HOOK1: variants seen among roughly 807,000 people sequenced by gnomAD.
HOOK1 encodes hook microtubule tethering protein 1.
In HOOK1, 60 loss-of-function variants were observed where a neutral mutation model predicts 112.8. That is an observed-to-expected ratio of 0.53 (90% CI 0.43 to 0.66). HOOK1 has a LOEUF of 0.66. HOOK1 is among the 30% of genes least tolerant of loss of function. The pLI is 0.00. For missense variants in HOOK1, 770 were observed against 856.0 expected (o/e 0.90, Z 1.25); for synonymous variants, 294 against 283.8 (o/e 1.04, Z -0.36).
At chr1:59,856,639 G>T in intron 12 of HOOK1, among the ~76,000 whole-genome samples, 1 of 151,938 alleles carries the variant, frequency 6.6e-6, no homozygotes, top group East Asian at 1.9e-4. Flanking sequence ...GTGACTTTTT[G>T]GGACTAATTC....
At chr1:59,859,903 T>G (rs1241978982) in intron 14 of HOOK1, among the ~76,000 whole-genome samples, 2 of 152,246 alleles carry the variant, frequency 1.3e-5, no homozygotes, top group East Asian at 3.9e-4. Flanking sequence ...AGGAATGGCA[T>G]AATAACAATT....
chr1:59,828,380 C>T (rs2098391442), intron 2 of HOOK1, among the ~76,000 whole-genome samples: 1 of 152,140 alleles, frequency 6.6e-6, no homozygotes, highest in South Asian at 2.1e-4. Flanking sequence ...CTTAGACTCT[C>T]TCATCCTCAA....
chr1:59,837,141 T>C (rs1168413170), intron 7 of HOOK1, among the ~76,000 whole-genome samples: 4 of 152,238 alleles, frequency 2.6e-5, no homozygotes, highest in Non-Finnish European at 5.9e-5. Context: ...TTGAGTGGCA[T>C]TGAACATTCC....
chr1:59,846,660 AGAGGCACTGG>A (rs2098404228), intron 9 of HOOK1, among the ~76,000 whole-genome samples: 1 of 145,482 alleles, frequency 6.9e-6, no homozygotes, highest in African/African-American at 2.5e-5. Flanking sequence ...TTTAAAACTG[AGAGGCACTGG>A]TTTACTGTTG....
At chr1:59,824,169 A>G (rs142218943) in intron 2 of HOOK1, among the ~76,000 whole-genome samples, 185 of 152,110 alleles carry the variant, frequency 1.2e-3, no homozygotes, top group African/African-American at 4.1e-3. Flanking sequence ...TAATTTTACC[A>G]TATGTCTTTG....
chr1:59,847,111 C>T lies in HOOK1; in HGVS notation c.855C>T (p.Phe285=). 6.2e-7 allele frequency: 1 copy of T among 1,608,274 alleles called. No homozygotes were observed. The highest frequency in any genetic ancestry group is 8.5e-7 in the Non-Finnish European group (1 of 1,176,808). Residue 285 remains phenylalanine, a synonymous_variant, in exon 10 of 22, where the codon TTC becomes TTT. Coordinates refer to ENST00000371208, the MANE Select transcript of HOOK1 (RefSeq NM_015888.6). ...CEELEKQLIE[F]QHRNDELTSL... ...AACTTGAAAAGCAGCTAATCGAATTCCAGCATAGGAATGATGAATTGACTA... is the reference window on the plus strand; with the variant it reads ...AACTTGAAAAGCAGCTAATCGAATTTCAGCATAGGAATGATGAATTGACTA...
At position 59,832,155 on chromosome 1, in the gene HOOK1, C is replaced by T; in HGVS notation, c.223-8C>T. ...TGAAATAAGAATCTCTTATTTTTTT[C>T]ACATTAGGCCAGTAATGTAAAGAAG... On this transcript the variant is annotated splice_region_variant and splice_polypyrimidine_tract_variant and intron_variant, in intron 3 of 21. Coordinates refer to ENST00000371208, the MANE Select transcript of HOOK1 (RefSeq NM_015888.6). The T allele has an allele frequency of 2.8e-6, 4 of 1,435,758 alleles. No individual in the cohort carries two copies. The highest frequency in any genetic ancestry group is 1.5e-5 in the African/African-American group (1 of 68,690). 88.9% of individuals were successfully genotyped at this position (1,435,758 alleles called of 1,614,324 possible). A position where few individuals can be genotyped will look rare whatever the true frequency, so the allele number is the denominator to read the frequency against.
In HOOK1 at chr1:59,858,982, T is replaced by C. The variant is rs1434094950; in HGVS notation, c.1331-3T>C. 7 of 1,540,112 alleles carry C rather than the reference T, an allele frequency of 4.5e-6. No individual in the cohort carries two copies. In the East Asian group the frequency reaches 1.1e-4, roughly 25 times the overall value. ...TGCTAATTTATTTTTTGTTATTTTT[T>C]AGATGCATCTGCTACAAAAAGTTAT... On this transcript the variant is annotated splice_polypyrimidine_tract_variant and splice_region_variant and intron_variant, in intron 13 of 21. Transcript: ENST00000371208.
intron 15 of HOOK1, 32 bp downstream of exon 15, chr1:59,860,360 G>A (rs781777636): frequency 6.6e-7 from 1 of 1,507,566 alleles, no homozygotes; most frequent in Non-Finnish European, 8.9e-7. Flanking sequence ...GAAAATCTTG[G>A]TGATTTTATT....
intron 3 of HOOK1, among the ~76,000 whole-genome samples, chr1:59,830,987 G>A (rs971964935): frequency 2.7e-5 from 4 of 149,182 alleles, no homozygotes; most frequent in African/African-American, 9.9e-5. Flanking sequence ...TGCAACCTCT[G>A]CCCCCGAGGT....
intron 1 of HOOK1, among the ~76,000 whole-genome samples, chr1:59,821,334 G>A (rs552701339): frequency 6.6e-6 from 1 of 152,324 alleles, no homozygotes; most frequent in South Asian, 2.1e-4. Context: ...TGACGTGATA[G>A]ATAGGGCTTG....
chr1:59,859,179 T>C (rs2098412268), intron 14 of HOOK1, 134 bp downstream of exon 14: 1 of 335,898 alleles, frequency 3.0e-6, no homozygotes, highest in Non-Finnish European at 5.5e-6. Flanking sequence ...TACTTAAACT[T>C]TCTAAATCAT....
chr1:59,820,733 A>G (rs1559041660), intron 1 of HOOK1, among the ~76,000 whole-genome samples: 1 of 152,194 alleles, frequency 6.6e-6, no homozygotes, highest in Non-Finnish European at 1.5e-5. Context: ...CATATTGTCT[A>G]GAAATGATTT....
At chr1:59,872,398 A>G (rs1370473774) in intron 21 of HOOK1, among the ~76,000 whole-genome samples, 1 of 152,220 alleles carries the variant, frequency 6.6e-6, no homozygotes, top group Non-Finnish European at 1.5e-5. Flanking sequence ...TATTTTTAAC[A>G]AATTCCCAGG....
rs112873055 is a variant in HOOK1, at chr1:59,823,332, A to C, written c.149+1389A>C. Among the ~76,000 whole-genome samples, 632 of 152,342 alleles carry C rather than the reference A, an allele frequency of 4.1e-3. 3 individuals carry two copies. Among genetic ancestry groups the C allele is most frequent in the African/African-American group, 0.014 (592 of 41,578 alleles). ...AAGACTCCGTCTCAAAAAACAAAAA[A>C]CAAACAAACAAAATTTTATTTATTT... On this transcript the variant is annotated intron_variant, in intron 2 of 21. Transcript: ENST00000371208.
At chr1:59,865,320 G>A in intron 18 of HOOK1, 75 bp downstream of exon 18, 1 of 864,820 alleles carries the variant, frequency 1.2e-6, no homozygotes, top group Admixed American at 2.0e-5. Flanking sequence ...AGGATCCAAG[G>A]TCTATGTGTA....
intron 12 of HOOK1, among the ~76,000 whole-genome samples, chr1:59,854,020 ATATATATATATATATATATTTTTTTTTT>A (rs2098408788): frequency 5.4e-5 from 1 of 18,656 alleles, no homozygotes; most frequent in African/African-American, 2.6e-4. Context: ...ATATATATAT[ATATATATATATATATATATTTTTTTTTT>A]TTTTTTTTTT....
In HOOK1 at chr1:59,837,414, G is replaced by A. The variant is rs557870716; in HGVS notation, c.537+479G>A. Among the ~76,000 whole-genome samples, 9 of 152,146 alleles carry A rather than the reference G, an allele frequency of 5.9e-5. No individual in the cohort carries two copies. In the South Asian group the frequency reaches 1.9e-3, roughly 32 times the overall value. On this transcript the variant is annotated intron_variant, in intron 7 of 21. Coordinates refer to ENST00000371208, the MANE Select transcript of HOOK1 (RefSeq NM_015888.6). ...TTATAGAGTAAAGGGTAAAAGGAGA[G>A]GCAAATGCATTAAGTACTTTTTCTG...
intron 2 of HOOK1, among the ~76,000 whole-genome samples, chr1:59,823,243 C>T (rs1403343404): frequency 6.6e-6 from 1 of 152,226 alleles, no homozygotes; most frequent in African/African-American, 2.4e-5. Context: ...TGGCGTGAAC[C>T]TGGGAGGCGG....
Sources: gnomAD v4.1 joint callset for allele counts (sites outside exome capture counted in the v4.1 genomes callset) on GRCh38, gnomAD v4.1.1 for gene constraint, MANE v1.5 for transcripts, NCBI Gene and HGNC (gene_info 2026-07-23, HGNC 2026-07-21) for gene names.